Variants in SNTG1 observed in about 807,000 individuals in gnomAD.
SNTG1 encodes syntrophin gamma 1.
A neutral mutation model predicts 74.7 loss-of-function variants in SNTG1; 39 were observed. The observed-to-expected ratio is 0.52, with a 90% CI of 0.40 to 0.68. SNTG1 has a LOEUF of 0.68. SNTG1 is among the 30% of genes least tolerant of loss of function. The probability of loss-of-function intolerance (pLI) is 0.00; values close to 1 mark genes in which losing one functional copy is unlikely to be tolerated. For synonymous variants in SNTG1, 254 were observed against 217.1 expected (o/e 1.17, Z -1.49); for missense variants, 685 against 609.5 (o/e 1.12, Z -1.30).
chr8:50,024,462 A>G (rs1204526548), intron 1 of SNTG1, among the ~76,000 whole-genome samples: 1 of 152,136 alleles, frequency 6.6e-6, no homozygotes, highest in African/African-American at 2.4e-5. Context: ...AAAATAACTT[A>G]TTTCATGTCA....
chr8:49,949,495 T>G (rs1809510304), intron 1 of SNTG1, among the ~76,000 whole-genome samples: 1 of 152,218 alleles, frequency 6.6e-6, no homozygotes. Flanking sequence ...AGTTGCTATT[T>G]TGAATTGCAT....
chr8:50,134,797 G>A (rs546544782), intron 1 of SNTG1, among the ~76,000 whole-genome samples: 33 of 152,076 alleles, frequency 2.2e-4, no homozygotes, highest in Non-Finnish European at 4.1e-4. Context: ...GAGATTCAGA[G>A]CACAGATGGA....
chr8:50,557,074 T>A (rs2094459902), intron 12 of SNTG1, among the ~76,000 whole-genome samples: 3 of 152,190 alleles, frequency 2.0e-5, no homozygotes, highest in Admixed American at 6.5e-5. Context: ...CTTCTTATTA[T>A]AACCTTGGGC....
chr8:50,154,201 C>G (rs1371806515), intron 1 of SNTG1, among the ~76,000 whole-genome samples: 1 of 151,986 alleles, frequency 6.6e-6, no homozygotes, highest in Non-Finnish European at 1.5e-5. Context: ...AGCCCGGTAC[C>G]CCTCTGTGGG....
intron 4 of SNTG1, among the ~76,000 whole-genome samples, chr8:50,433,573 C>A (rs1414309754): frequency 6.6e-6 from 1 of 151,436 alleles, no homozygotes; most frequent in Admixed American, 6.6e-5. Context: ...GTTTCAATCA[C>A]AACTTGGATC....
At chr8:50,287,508 G>A (rs1237994836) in intron 2 of SNTG1, among the ~76,000 whole-genome samples, 1 of 137,388 alleles carries the variant, frequency 7.3e-6, no homozygotes, top group African/African-American at 2.5e-5. Flanking sequence ...AAGCACAAAG[G>A]TGCCCTGGGG....
chr8:50,573,130 C>A (rs1422701574), intron 12 of SNTG1, among the ~76,000 whole-genome samples: 1 of 152,022 alleles, frequency 6.6e-6, no homozygotes, highest in Non-Finnish European at 1.5e-5. Flanking sequence ...TCCTTAAAGG[C>A]ATTTAAATTC....
chr8:50,457,480 T>C (rs561474214), intron 8 of SNTG1, among the ~76,000 whole-genome samples: 1 of 152,330 alleles, frequency 6.6e-6, no homozygotes, highest in South Asian at 2.1e-4. Flanking sequence ...TTTAAGCAAA[T>C]GAATACAGAG....
chr8:50,111,480 T>A (rs1249800488), intron 1 of SNTG1, among the ~76,000 whole-genome samples: 1 of 152,018 alleles, frequency 6.6e-6, no homozygotes. Flanking sequence ...CCATGTGAGG[T>A]CACAGTGAGA....
chr8:50,634,322 C>T (rs1368217173), intron 13 of SNTG1, among the ~76,000 whole-genome samples: 1 of 152,208 alleles, frequency 6.6e-6, no homozygotes, highest in African/African-American at 2.4e-5. Flanking sequence ...TGGCACAAAT[C>T]ACCTTTGCTG....
At chr8:50,364,070 G>T (rs1398124147) in intron 2 of SNTG1, among the ~76,000 whole-genome samples, 1 of 152,056 alleles carries the variant, frequency 6.6e-6, no homozygotes. Context: ...TTTGATTAGG[G>T]ATTTTTAGGG....
intron 14 of SNTG1, 106 bp downstream of exon 14, chr8:50,657,131 T>C (rs917104623): frequency 1.9e-6 from 1 of 529,004 alleles, no homozygotes; most frequent in South Asian, 5.6e-5. Context: ...TAAAAAATAA[T>C]ATAGAGAAAA....
Position 50,539,318 on chromosome 8 carries a change from G to C in SNTG1, c.680+2510G>C, listed in dbSNP as rs778102721. On this transcript the variant is annotated intron_variant, in intron 11 of 18. Transcript: ENST00000642720. ...TTTTGTTGTTGTTGTTGTTGTTCTT[G>C]TTCTTGTTGTTTTTAGCAGGCAATC... Among the ~76,000 whole-genome samples, 69 of 152,178 alleles carry C rather than the reference G, an allele frequency of 4.5e-4. 1 individual carries two copies. The highest frequency in any genetic ancestry group is 3.4e-3 in the Middle Eastern group (1 of 294).
At chr8:50,182,556 T>C (rs2083243160) in intron 2 of SNTG1, among the ~76,000 whole-genome samples, 1 of 152,118 alleles carries the variant, frequency 6.6e-6, no homozygotes, top group African/African-American at 2.4e-5. Context: ...CCTAATATAT[T>C]AGTTATAAAA....
At chr8:50,782,199 C>T (rs1373312821) in intron 18 of SNTG1, among the ~76,000 whole-genome samples, 4 of 152,096 alleles carry the variant, frequency 2.6e-5, no homozygotes, top group African/African-American at 7.2e-5. Flanking sequence ...TTGCTCTTCT[C>T]GAGAAGTATC....
At position 50,050,670 on chromosome 8, in the gene SNTG1, C is replaced by G. The variant is rs537600289; in HGVS notation, c.-102-121891C>G. Among the ~76,000 whole-genome samples the G allele has an allele frequency of 6.6e-5, 10 of 151,986 alleles. No individual in the cohort carries two copies. The East Asian group carries it at 1.9e-3, about 29-fold the overall frequency. ...TTTGAAAATACAAGAGGAGGGAGCACATAAAAACTCATTCTATGAGGACAA... is the reference window on the plus strand; with the variant it reads ...TTTGAAAATACAAGAGGAGGGAGCAGATAAAAACTCATTCTATGAGGACAA... On this transcript the variant is annotated intron_variant, in intron 1 of 18. Transcript: ENST00000642720.
chr8:50,439,863 C>T (rs1296699173), intron 5 of SNTG1, among the ~76,000 whole-genome samples: 2 of 151,594 alleles, frequency 1.3e-5, no homozygotes, highest in South Asian at 4.2e-4. Flanking sequence ...CTGAACCAGG[C>T]ACTAACTCTA....
intron 16 of SNTG1, among the ~76,000 whole-genome samples, chr8:50,707,446 T>G (rs2131544345): frequency 6.6e-6 from 1 of 151,988 alleles, no homozygotes; most frequent in East Asian, 2.0e-4. Context: ...ATTAAGTATG[T>G]TCTTTAGTCT....
intron 1 of SNTG1, among the ~76,000 whole-genome samples, chr8:50,000,131 C>T (rs999816291): frequency 3.3e-5 from 5 of 152,168 alleles, no homozygotes; most frequent in African/African-American, 1.2e-4. Flanking sequence ...CCGTGCCACA[C>T]TGGTCCAGAT....
Sources: allele counts gnomAD v4.1 joint callset (sites outside exome capture counted in the v4.1 genomes callset), GRCh38; gene constraint gnomAD v4.1.1; transcripts MANE v1.5; gene names NCBI Gene and HGNC (gene_info 2026-07-23, HGNC 2026-07-21).